Variants in PSMB2 observed in about 807,000 individuals in gnomAD.
PSMB2 encodes the protein proteasome 20S subunit beta 2.
Under a neutral mutation model 25.7 loss-of-function variants are expected in PSMB2, and 13 were observed. The ratio of observed to expected loss-of-function variants is 0.51; its 90% CI spans 0.33 to 0.80. The LOEUF (loss-of-function observed/expected upper bound fraction) is 0.80. PSMB2 is among the 30% of genes least tolerant of loss of function. The pLI, the probability that PSMB2 is intolerant of heterozygous loss-of-function variation, is 0.02. For synonymous variants in PSMB2, 87 were observed against 96.2 expected (o/e 0.90, Z 0.56); for missense variants, 202 against 259.0 (o/e 0.78, Z 1.51).
intron 3 of PSMB2, among the ~76,000 whole-genome samples, chr1:35,618,033 T>C (rs1407210769): frequency 6.6e-6 from 1 of 152,128 alleles, no homozygotes; most frequent in East Asian, 1.9e-4. Flanking sequence ...TTTAGGATGG[T>C]AATTGACAGT....
chr1:35,639,433 CTTTT>C (rs1327043890), intron 1 of PSMB2, among the ~76,000 whole-genome samples: 2 of 152,110 alleles, frequency 1.3e-5, no homozygotes, highest in Non-Finnish European at 2.9e-5. Context: ...AGTTATCTTT[CTTTT>C]ATTACTCTTA....
intron 3 of PSMB2, among the ~76,000 whole-genome samples, chr1:35,617,020 G>C (rs1650509496): frequency 6.6e-6 from 1 of 152,136 alleles, no homozygotes; most frequent in African/African-American, 2.4e-5. Context: ...AGCGGGTAGA[G>C]AACTACCTAA....
In PSMB2 at chr1:35,601,471, C is replaced by T; in HGVS notation, c.*1796G>A. 1.0e-6 allele frequency: 1 copy of T among 985,356 alleles called. No homozygotes were observed. Among genetic ancestry groups the T allele is most frequent in the South Asian group, 4.7e-5 (1 of 21,280 alleles). The allele number at this position is 985,356 out of a possible 1,614,324, so 61.0% of individuals were successfully genotyped here. On this transcript the variant is annotated 3_prime_UTR_variant, in exon 6 of 6. Transcript: ENST00000373237. ...ATGGTGGTGTTGGAGGTTGAATCAA[C>T]TGTAGTGACGTGAATCATCTCTTTT...
intron 3 of PSMB2, among the ~76,000 whole-genome samples, chr1:35,628,579 A>T (rs1236810307): frequency 4.3e-5 from 1 of 23,004 alleles, no homozygotes; most frequent in African/African-American, 2.7e-4. Context: ...TTCTTGGAAG[A>T]AAAAAAAAAA....
In PSMB2 at chr1:35,609,321, C is replaced by G. The variant is rs1276709018; in HGVS notation, c.373G>C (p.Ala125Pro). ...LYYMDYLAAL[A>P]KAPFAAHGYG... Reference sequence around the variant, plus strand: ...CCGTGGGCTGCAAAAGGGGCCTTGGCCAAGGCTGCCAGGTAGTCCATGTAA... The same window carrying G: ...CCGTGGGCTGCAAAAGGGGCCTTGGGCAAGGCTGCCAGGTAGTCCATGTAA... Residue 125 changes from alanine (A) to proline (P), a missense_variant, in exon 4 of 6, where the codon GCC (alanine) becomes CCC (proline). Ala to Pro is a conservative substitution (Grantham distance 27). Transcript: ENST00000373237. 1 of 1,613,328 alleles carries G rather than the reference C, an allele frequency of 6.2e-7. No homozygotes were observed.
intron 3 of PSMB2, among the ~76,000 whole-genome samples, chr1:35,627,318 T>G (rs993771054): frequency 2.0e-5 from 3 of 147,272 alleles, no homozygotes; most frequent in Admixed American, 1.4e-4. Context: ...AACTAACTTA[T>G]AGCCATTAAA....
At chr1:35,628,648 T>TTAA (rs1553125213) in intron 3 of PSMB2, among the ~76,000 whole-genome samples, 2 of 34,714 alleles carry the variant, frequency 5.8e-5, no homozygotes, top group Admixed American at 4.4e-4. Flanking sequence ...TTTTTTTTTT[T>TTAA]AAAGAAAAGA....
At chr1:35,637,830 C>T (rs1168648550) in intron 1 of PSMB2, among the ~76,000 whole-genome samples, 1 of 152,088 alleles carries the variant, frequency 6.6e-6, no homozygotes, top group Non-Finnish European at 1.5e-5. Flanking sequence ...TGTTAGTTTG[C>T]AAACTTGTTA....
intron 5 of PSMB2, among the ~76,000 whole-genome samples, chr1:35,604,488 T>G (rs952143610): frequency 6.6e-5 from 10 of 152,194 alleles, no homozygotes; most frequent in African/African-American, 2.4e-4. Context: ...AGGTATAAAG[T>G]CTAGGGCAGG....
At chr1:35,636,891 T>C (rs1651258664) in intron 1 of PSMB2, among the ~76,000 whole-genome samples, 1 of 152,230 alleles carries the variant, frequency 6.6e-6, no homozygotes, top group Non-Finnish European at 1.5e-5. Context: ...ATTTAACTAA[T>C]TATTGCTTTT....
Position 35,600,679 on chromosome 1 carries a change from C to G in PSMB2, c.*2588G>C. The G allele has an allele frequency of 1.0e-6, 1 of 985,232 alleles. No homozygotes were observed. Among genetic ancestry groups the G allele is most frequent in the Non-Finnish European group, 1.2e-6 (1 of 829,890 alleles). 61.0% of individuals were successfully genotyped at this position (985,232 alleles called of 1,614,324 possible). ...TCCCTAAATCTGGAGGGTGAGCTAT[C>G]TAGGAATGAGTTGATTTGGAGCTCA... On this transcript the variant is annotated 3_prime_UTR_variant, in exon 6 of 6. Transcript: ENST00000373237.
In PSMB2 at chr1:35,620,153, C is replaced by T. The variant is rs186319375; in HGVS notation, c.286-10745G>A. On this transcript the variant is annotated intron_variant, in intron 3 of 5. Transcript: ENST00000373237. ...TGAATTCTGAACATCAAAGCTGATTCATCTCTCTGAGCTAATAAATAAGAT... is the reference window on the plus strand; with the variant it reads ...TGAATTCTGAACATCAAAGCTGATTTATCTCTCTGAGCTAATAAATAAGAT... Among the ~76,000 whole-genome samples the T allele has an allele frequency of 2.8e-3, 427 of 152,324 alleles. 1 individual carries two copies. The highest frequency in any genetic ancestry group is 9.1e-3 in the South Asian group (44 of 4,824).
intron 4 of PSMB2, among the ~76,000 whole-genome samples, chr1:35,608,364 C>CAAAA (rs112782164): frequency 8.3e-6 from 1 of 120,026 alleles, no homozygotes; most frequent in African/African-American, 2.9e-5. Context: ...GACTCTGCCT[C>CAAAA]AAAAAAAAAA....
At chr1:35,632,013 GTC>G (rs768493670) in intron 2 of PSMB2, among the ~76,000 whole-genome samples, 41 of 151,930 alleles carry the variant, frequency 2.7e-4, no homozygotes, top group Non-Finnish European at 5.0e-4. Context: ...GCAAGACCCT[GTC>G]TCTAAAAAAA....
chr1:35,629,441 G>C (rs986721474), intron 3 of PSMB2, among the ~76,000 whole-genome samples: 3 of 152,150 alleles, frequency 2.0e-5, no homozygotes, highest in Non-Finnish European at 4.4e-5. Flanking sequence ...GACAGCTCTA[G>C]AATAGCAACA....
chr1:35,641,411 G>C lies in PSMB2; in HGVS notation c.22C>G (p.Gln8Glu). 6.2e-7 allele frequency: 1 copy of C among 1,614,104 alleles called. No individual in the cohort carries two copies. Among genetic ancestry groups the C allele is most frequent in the Non-Finnish European group, 8.5e-7 (1 of 1,180,014 alleles). The change falls in exon 1 of 6, where the codon CAA (glutamine) becomes GAA (glutamate). Residue 8 changes from glutamine (Q) to glutamate (E), a missense_variant. Coordinates refer to ENST00000373237, the MANE Select transcript of PSMB2 (RefSeq NM_002794.5). ...GCGACAAGAACATAGTCGGGGCCTTGGATACCGATGAGGTACTCCATGGTG... is the reference window on the plus strand; with the variant it reads ...GCGACAAGAACATAGTCGGGGCCTTCGATACCGATGAGGTACTCCATGGTG... MEYLIGIQGPDYVLVASD... is the reference protein window; with the variant it reads MEYLIGIEGPDYVLVASD...
chr1:35,601,732 G>C lies in PSMB2; in HGVS notation c.*1535C>G. The C allele has an allele frequency of 3.0e-6, 3 of 985,406 alleles. No individual in the cohort carries two copies. Among genetic ancestry groups the C allele is most frequent in the Non-Finnish European group, 3.6e-6 (3 of 829,930 alleles). The allele number at this position is 985,406 out of a possible 1,614,324, so 61.0% of individuals were successfully genotyped here. ...GATAAAGTAGGGTTTATCTTAGTCG[G>C]AGACCAAATGGTTTTGATATGTGGT... On this transcript the variant is annotated 3_prime_UTR_variant, in exon 6 of 6. Coordinates refer to ENST00000373237, the MANE Select transcript of PSMB2 (RefSeq NM_002794.5).
chr1:35,626,642 A>AG (rs1650869692), intron 3 of PSMB2, among the ~76,000 whole-genome samples: 1 of 152,258 alleles, frequency 6.6e-6, no homozygotes, highest in African/African-American at 2.4e-5. Flanking sequence ...CTGGAATCTT[A>AG]ACCTTTAACA....
chr1:35,640,541 G>A (rs1451563044), intron 1 of PSMB2, among the ~76,000 whole-genome samples: 1 of 152,166 alleles, frequency 6.6e-6, no homozygotes, highest in East Asian at 1.9e-4. Context: ...ACGGGAAGAA[G>A]GAAAATGCCA....
Sources: gnomAD v4.1 joint callset for allele counts (sites outside exome capture counted in the v4.1 genomes callset) on GRCh38, gnomAD v4.1.1 for gene constraint, MANE v1.5 for transcripts, NCBI Gene and HGNC (gene_info 2026-07-23, HGNC 2026-07-21) for gene names.